CDH20: variants seen among roughly 807,000 people sequenced by gnomAD.
CDH20 encodes cadherin 20.
In CDH20, 29 loss-of-function variants were observed where a neutral mutation model predicts 74.2. That is an observed-to-expected ratio of 0.39 (90% confidence interval 0.29 to 0.53). CDH20 has a LOEUF of 0.53. Among genes scored for constraint, CDH20 ranks in the 20% least tolerant of loss-of-function variants. CDH20 has a pLI of 0.69. For missense variants in CDH20, 988 were observed against 1,048.3 expected (o/e 0.94, Z 0.79); for synonymous variants, 469 against 405.4 (o/e 1.16, Z -1.88).
At chr18:61,403,442 A>C (rs1302350469) in intron 1 of CDH20, among the ~76,000 whole-genome samples, 1 of 152,244 alleles carries the variant, frequency 6.6e-6, no homozygotes, top group Non-Finnish European at 1.5e-5. Flanking sequence ...CTTTGGTAAC[A>C]AAACACCTAG....
At chr18:61,477,587 A>G (rs747048339) in intron 1 of CDH20, among the ~76,000 whole-genome samples, 1 of 152,206 alleles carries the variant, frequency 6.6e-6, no homozygotes, top group Non-Finnish European at 1.5e-5. Context: ...ATTCCGATGC[A>G]TGAGTATGTC....
intron 1 of CDH20, among the ~76,000 whole-genome samples, chr18:61,352,919 T>A (rs1213950068): frequency 6.6e-6 from 1 of 152,234 alleles, no homozygotes; most frequent in Admixed American, 6.5e-5. Flanking sequence ...AAAATTGGCC[T>A]GCATAAAAAC....
intron 1 of CDH20, among the ~76,000 whole-genome samples, chr18:61,403,168 C>A (rs1171193469): frequency 6.6e-6 from 1 of 152,114 alleles, no homozygotes; most frequent in Non-Finnish European, 1.5e-5. Context: ...GAAAGGGAAA[C>A]AATTATGAAC....
At chr18:61,380,757 C>T (rs994596056) in intron 1 of CDH20, among the ~76,000 whole-genome samples, 4 of 152,010 alleles carry the variant, frequency 2.6e-5, no homozygotes, top group African/African-American at 4.8e-5. Flanking sequence ...TGCAGTGAGC[C>T]GAGATCGTGC....
chr18:61,419,956 T>C (rs1912821330), intron 1 of CDH20, among the ~76,000 whole-genome samples: 2 of 150,826 alleles, frequency 1.3e-5, no homozygotes, highest in South Asian at 4.2e-4. Context: ...CCCACCAAAA[T>C]ACACAGGCAT....
At chr18:61,364,084 T>C (rs988456076) in intron 1 of CDH20, among the ~76,000 whole-genome samples, 4 of 152,182 alleles carry the variant, frequency 2.6e-5, no homozygotes, top group African/African-American at 9.7e-5. Flanking sequence ...GTTAAATTTA[T>C]TATAACTCCC....
chr18:61,406,096 C>T (rs1357223527), intron 1 of CDH20, among the ~76,000 whole-genome samples: 2 of 152,044 alleles, frequency 1.3e-5, no homozygotes, highest in Admixed American at 6.6e-5. Flanking sequence ...CCAGAATTAA[C>T]ATGAAAGCTT....
chr18:61,369,832 T>C (rs1026745839), intron 1 of CDH20, among the ~76,000 whole-genome samples: 6 of 152,098 alleles, frequency 3.9e-5, no homozygotes. Flanking sequence ...AAATACCACA[T>C]GTCCTCACTT....
chr18:61,423,670 C>T (rs2144278767), intron 1 of CDH20, among the ~76,000 whole-genome samples: 1 of 152,170 alleles, frequency 6.6e-6, no homozygotes, highest in Non-Finnish European at 1.5e-5. Context: ...TCAGACTCCC[C>T]ATTCCTGCTT....
intron 9 of CDH20, among the ~76,000 whole-genome samples, chr18:61,541,586 G>T (rs1310116916): frequency 3.3e-5 from 5 of 152,164 alleles, no homozygotes; most frequent in Non-Finnish European, 7.3e-5. Context: ...TTCAAGTTCA[G>T]TCTGTCCCAT....
intron 1 of CDH20, among the ~76,000 whole-genome samples, chr18:61,396,769 G>T (rs961489904): frequency 1.3e-5 from 2 of 152,226 alleles, no homozygotes; most frequent in African/African-American, 4.8e-5. Context: ...CCTCTATCCT[G>T]CAGAGGTAGC....
chr18:61,389,008 T>C (rs1200825685), intron 1 of CDH20, among the ~76,000 whole-genome samples: 1 of 152,142 alleles, frequency 6.6e-6, no homozygotes. Context: ...GATCATCTTA[T>C]GAGGTCTGTA....
intron 1 of CDH20, chr18:61,405,261 C>T (rs1272319705): frequency 1.7e-5 from 6 of 359,810 alleles, no homozygotes; most frequent in South Asian, 4.8e-5. Context: ...TAAGATGGCC[C>T]GGGAGCGAGA....
intron 7 of CDH20, among the ~76,000 whole-genome samples, chr18:61,533,845 T>A (rs992615015): frequency 2.0e-5 from 3 of 152,204 alleles, no homozygotes; most frequent in Non-Finnish European, 4.4e-5. Context: ...CATGTGGGTA[T>A]CTAGTTTTCT....
chr18:61,347,343 CACACA>C (rs1910159624), intron 1 of CDH20, among the ~76,000 whole-genome samples: 1 of 140,558 alleles, frequency 7.1e-6, no homozygotes, highest in African/African-American at 2.9e-5. Context: ...CACACACACA[CACACA>C]CACATATATA....
intron 1 of CDH20, among the ~76,000 whole-genome samples, chr18:61,352,322 C>G (rs1385553062): frequency 1.3e-5 from 2 of 152,184 alleles, no homozygotes; most frequent in African/African-American, 4.8e-5. Flanking sequence ...TTATCTATAT[C>G]AGTAACTGTG....
At chr18:61,484,100 ACT>A (rs919469366) in intron 1 of CDH20, among the ~76,000 whole-genome samples, 1 of 152,266 alleles carries the variant, frequency 6.6e-6, no homozygotes, top group African/African-American at 2.4e-5. Flanking sequence ...AAGAGAAAAC[ACT>A]GAGTAGCAAT....
chr18:61,416,114 G>C (rs1009401087), intron 1 of CDH20, among the ~76,000 whole-genome samples: 3 of 151,672 alleles, frequency 2.0e-5, no homozygotes, highest in African/African-American at 7.3e-5. Context: ...AGTTTAATGG[G>C]CCTCTATAGT....
At chr18:61,551,873 T>C (rs547401904) in intron 11 of CDH20, among the ~76,000 whole-genome samples, 1 of 152,354 alleles carries the variant, frequency 6.6e-6, no homozygotes, top group South Asian at 2.1e-4. Context: ...GAAATACTGA[T>C]TTAAAGAGAC....
Sources: allele counts gnomAD v4.1 joint callset (sites outside exome capture counted in the v4.1 genomes callset), GRCh38; gene constraint gnomAD v4.1.1; transcripts MANE v1.5; gene names NCBI Gene and HGNC (gene_info 2026-07-23, HGNC 2026-07-21).